The following PTTG1 variants were observed in gnomAD, a reference collection of about 807,000 sequenced individuals.
PTTG1 encodes the protein PTTG1 regulator of sister chromatid separation, securin.
In PTTG1, 8 loss-of-function variants were observed where a neutral mutation model predicts 20.0. That is an observed-to-expected ratio of 0.40 (90% CI 0.23 to 0.72). The LOEUF is 0.72. PTTG1 is among the 30% of genes least tolerant of loss of function. PTTG1 has a pLI of 0.38. For synonymous variants in PTTG1, 79 were observed against 87.2 expected (o/e 0.91, Z 0.52); for missense variants, 197 against 236.0 (o/e 0.83, Z 1.08).
chr5:160,423,485 C>A (rs1481317986), intron 3 of PTTG1, among the ~76,000 whole-genome samples: 1 of 152,170 alleles, frequency 6.6e-6, no homozygotes, highest in East Asian at 1.9e-4. Context: ...GTTTAATTTG[C>A]ATTAGGAAAC....
Position 160,427,841 on chromosome 5 carries a change from C to T in PTTG1, c.497C>T (p.Pro166Leu), listed in dbSNP as rs1202570117. 6.2e-7 allele frequency: 1 copy of T among 1,614,106 alleles called. No homozygotes were observed. Among genetic ancestry groups the T allele is most frequent in the African/African-American group, 1.3e-5 (1 of 74,930 alleles). Residue 166 changes from proline (P) to leucine (L), a missense_variant, in exon 5 of 6, where the codon CCT becomes CTT. Pro to Leu is a moderately conservative substitution (Grantham distance 98). Transcript: ENST00000352433. ...EKLFQLGPPS[P>L]VKMPSPPWES... ...CTGTTTCAGCTGGGCCCCCCTTCACCTGTGAAGATGCCCTCTCCACCATGG... is the reference window on the plus strand; with the variant it reads ...CTGTTTCAGCTGGGCCCCCCTTCACTTGTGAAGATGCCCTCTCCACCATGG...
At chr5:160,426,944 A>C (rs1039480311) in intron 4 of PTTG1, among the ~76,000 whole-genome samples, 22 of 152,188 alleles carry the variant, frequency 1.4e-4, no homozygotes, top group Non-Finnish European at 2.5e-4. Context: ...TGGGAGACTG[A>C]GGCAGGAGAA....
chr5:160,428,178 T>G (rs555338828), intron 5 of PTTG1, among the ~76,000 whole-genome samples: 1 of 152,324 alleles, frequency 6.6e-6, no homozygotes, highest in South Asian at 2.1e-4. Context: ...GAATGATGAT[T>G]CCATGTTATA....
At chr5:160,422,470 T>G in intron 2 of PTTG1, 67 bp downstream of exon 2, 1 of 1,394,198 alleles carries the variant, frequency 7.2e-7, no homozygotes. Context: ...GGACGAGACA[T>G]TTAGTGTACT....
At chr5:160,424,202 C>G (rs756507142) in intron 3 of PTTG1, 35 bp from the exon 4 acceptor site, 1 of 1,470,152 alleles carries the variant, frequency 6.8e-7, no homozygotes, top group Non-Finnish European at 9.4e-7. Flanking sequence ...AAGACTTCCA[C>G]TGTCACTAAC....
intron 2 of PTTG1, 72 bp from the exon 3 acceptor site, chr5:160,422,637 T>C (rs766210111): frequency 6.4e-7 from 1 of 1,563,476 alleles, no homozygotes; most frequent in Admixed American, 1.7e-5. Flanking sequence ...AGGTCAAGTT[T>C]ATATACACAG....
intron 5 of PTTG1, 61 bp from the exon 6 acceptor site, chr5:160,428,541 T>C (rs1279166768): frequency 7.0e-7 from 1 of 1,419,152 alleles, no homozygotes; most frequent in African/African-American, 1.4e-5. Context: ...AATGTCTATG[T>C]TGATATGGAC....
chr5:160,428,272 G>A (rs899836340), intron 5 of PTTG1, among the ~76,000 whole-genome samples: 5 of 152,198 alleles, frequency 3.3e-5, no homozygotes, highest in African/African-American at 4.8e-5. Flanking sequence ...TGAGGTCTTC[G>A]TTTGAACTGG....
At chr5:160,427,629 C>A in intron 4 of PTTG1, 86 bp from the exon 5 acceptor site, 3 of 1,409,480 alleles carry the variant, frequency 2.1e-6, no homozygotes, top group Non-Finnish European at 2.9e-6. Context: ...CCTCATGGAC[C>A]CCCTCAAAGG....
At chr5:160,422,933 C>G (rs763140304) in intron 3 of PTTG1, 40 bp downstream of exon 3, 49 of 1,588,134 alleles carry the variant, frequency 3.1e-5, no homozygotes, top group Non-Finnish European at 1.5e-5. Flanking sequence ...AACACTTAAG[C>G]ACTTTTGACT....
chr5:160,424,203 T>TC, intron 3 of PTTG1, 34 bp from the exon 4 acceptor site: 1 of 1,479,810 alleles, frequency 6.8e-7, no homozygotes, highest in Non-Finnish European at 9.3e-7. Context: ...AGACTTCCAC[T>TC]GTCACTAACC....
intron 4 of PTTG1, among the ~76,000 whole-genome samples, chr5:160,426,638 C>T (rs1765813596): frequency 6.6e-6 from 1 of 152,240 alleles, no homozygotes; most frequent in Non-Finnish European, 1.5e-5. Context: ...TAGATACCCA[C>T]ATGTTGAGAT....
At chr5:160,427,657 A>G (rs73316398) in intron 4 of PTTG1, 58 bp from the exon 5 acceptor site, 46,520 of 1,569,518 alleles carry the variant, frequency 0.03, 3,931 homozygotes, top group African/African-American at 0.23. Flanking sequence ...ACCACAAGGG[A>G]TCTACAGCCC....
At chr5:160,424,817 T>G (rs550903626) in intron 4 of PTTG1, 1 of 153,384 alleles carries the variant, frequency 6.5e-6, no homozygotes, top group South Asian at 2.1e-4. Flanking sequence ...AGCTTTAATT[T>G]ACTCAACCAT....
intron 3 of PTTG1, among the ~76,000 whole-genome samples, chr5:160,423,553 ATTAAC>A (rs1765755643): frequency 1.3e-5 from 2 of 152,244 alleles, no homozygotes; most frequent in Admixed American, 6.5e-5. Context: ...TAAAAAGTGA[ATTAAC>A]TTAAAGAAAA....
In PTTG1 at chr5:160,428,640, G is replaced by T. The variant is rs1312886922; in HGVS notation, c.568G>T (p.Asp190Tyr). The T allele has an allele frequency of 3.7e-6, 6 of 1,613,956 alleles. No homozygotes were observed. The highest frequency in any genetic ancestry group is 4.2e-6 in the Non-Finnish European group (5 of 1,179,960). The change falls in exon 6 of 6, where the codon GAT (aspartate) becomes TAT (tyrosine). Residue 190 changes from aspartate (D) to tyrosine (Y), a missense_variant. By Grantham distance (160) the Asp-to-Tyr change is radical. Coordinates refer to ENST00000352433, the MANE Select transcript of PTTG1 (RefSeq NM_004219.4). The stretch of plus-strand genomic sequence containing the variant: ...TCCTTCAAGCATTCTGTCGACCCTG[G>T]ATGTTGAATTGCCACCTGTTTGCTG... Reference protein sequence around the residue: ...QSPSSILSTLDVELPPVCCDI... With the variant: ...QSPSSILSTLYVELPPVCCDI...
intron 4 of PTTG1, among the ~76,000 whole-genome samples, chr5:160,425,198 CT>C (rs1765783462): frequency 6.6e-6 from 1 of 152,194 alleles, no homozygotes; most frequent in African/African-American, 2.4e-5. Flanking sequence ...CTTTTAGAAA[CT>C]ACAAACATTT....
At chr5:160,423,622 G>A (rs569391441) in intron 3 of PTTG1, among the ~76,000 whole-genome samples, 10 of 152,204 alleles carry the variant, frequency 6.6e-5, no homozygotes, top group Non-Finnish European at 1.3e-4. Context: ...ACACAGAACC[G>A]AAGTGTGAGA....
Position 160,427,764 on chromosome 5 carries a change from C to G in PTTG1, c.420C>G (p.Pro140=). 1 of 1,614,178 alleles carries G rather than the reference C, an allele frequency of 6.2e-7. No homozygotes were observed. The highest frequency in any genetic ancestry group is 8.5e-7 in the Non-Finnish European group (1 of 1,180,016). The change falls in exon 5 of 6, where the codon CCC becomes CCG. Residue 140 remains proline, a synonymous_variant. Coordinates refer to ENST00000352433, the MANE Select transcript of PTTG1 (RefSeq NM_004219.4). ...AAGAGCACCAGATTGCGCACCTCCC[C>G]TTGAGTGGAGTGCCTCTCATGATCC... ...LPEEHQIAHL[P]LSGVPLMILD...
Sources: gnomAD v4.1 joint callset for allele counts (sites outside exome capture counted in the v4.1 genomes callset) on GRCh38, gnomAD v4.1.1 for gene constraint, MANE v1.5 for transcripts, NCBI Gene and HGNC (gene_info 2026-07-23, HGNC 2026-07-21) for gene names.